Variants in COL4A4 observed in about 807,000 individuals in gnomAD.
The protein encoded by COL4A4 is collagen alpha-4(IV) chain.
Under a neutral mutation model 192.9 loss-of-function variants are expected in COL4A4, and 105 were observed. The ratio of observed to expected loss-of-function variants is 0.54; its 90% confidence interval spans 0.46 to 0.64. COL4A4 has a LOEUF of 0.64. COL4A4 is among the 30% of genes least tolerant of loss of function. The pLI is 0.00. For missense variants in COL4A4, 1,967 were observed against 2,169.3 expected, an observed-to-expected ratio of 0.91 and a Z score of 1.85; for synonymous variants, 762 against 769.9, an observed-to-expected ratio of 0.99 and a Z score of 0.17.
In COL4A4 at chr2:227,046,763, A is replaced by G. The variant is rs540882111; in HGVS notation, c.3289+712T>C. 2.0e-5 allele frequency among the ~76,000 whole-genome samples: 3 copies of G among 152,108 alleles called. No homozygotes were observed. The South Asian group carries it at 6.2e-4, about 32-fold the overall frequency. On this transcript the variant is annotated intron_variant, in intron 35 of 47. Transcript: ENST00000396625. Reference sequence around the variant, plus strand: ...ACTCAAATGGTTTCCCTTTCCCTGTAAAGCATGGAGCTGTGCATAACACTG... The same window carrying G: ...ACTCAAATGGTTTCCCTTTCCCTGTGAAGCATGGAGCTGTGCATAACACTG...
intron 34 of COL4A4, among the ~76,000 whole-genome samples, 161 bp downstream of exon 34, chr2:227,049,907 A>T (rs1198857703): frequency 6.6e-6 from 1 of 152,242 alleles, no homozygotes; most frequent in African/African-American, 2.4e-5. Context: ...ACAACTGTAG[A>T]ATATTTGGAT....
At chr2:226,993,477 A>G in the COL4A4 span, among the ~76,000 whole-genome samples, 3 of 152,270 alleles carry the variant, frequency 2.0e-5, no homozygotes, top group East Asian at 3.8e-4. Flanking sequence ...GGATCTCATC[A>G]TATAAAACAG....
chr2:227,147,804 A>C (rs1447806436), intron 1 of COL4A4, among the ~76,000 whole-genome samples: 8 of 149,476 alleles, frequency 5.4e-5, no homozygotes, highest in Non-Finnish European at 1.0e-4. Context: ...AAATGGAAAA[A>C]TTATGTGTAT....
chr2:227,083,650 T>C (rs2150538828), intron 22 of COL4A4, among the ~76,000 whole-genome samples: 1 of 151,574 alleles, frequency 6.6e-6, no homozygotes, highest in South Asian at 2.1e-4. Context: ...GATGGGGTCT[T>C]GCTGTATTGC....
At chr2:227,109,962 TATTA>T (rs761101829) in intron 9 of COL4A4, among the ~76,000 whole-genome samples, 1 of 152,218 alleles carries the variant, frequency 6.6e-6, no homozygotes, top group African/African-American at 2.4e-5. Context: ...AAAGTATTAT[TATTA>T]ATTAACATTA....
At position 227,131,257 on chromosome 2, in the gene COL4A4, G is replaced by A. The variant is rs538216917; in HGVS notation, c.192+8904C>T. 5.9e-5 allele frequency among the ~76,000 whole-genome samples: 9 copies of A among 151,508 alleles called. No individual in the cohort carries two copies. The East Asian group carries it at 1.4e-3, about 23-fold the overall frequency. On this transcript the variant is annotated intron_variant, in intron 4 of 47. Transcript: ENST00000396625. ...TGCAGCCTCTGCCTCCCAGGTTCAAGCAATTCTCTGCCTCAGCCTCCCCAG... is the reference window on the plus strand; with the variant it reads ...TGCAGCCTCTGCCTCCCAGGTTCAAACAATTCTCTGCCTCAGCCTCCCCAG...
chr2:226,976,547 G>T, the COL4A4 span, among the ~76,000 whole-genome samples: 797 of 152,160 alleles, frequency 5.2e-3, 10 homozygotes, highest in South Asian at 0.023. Flanking sequence ...ACTCACCACC[G>T]TATACTGATG....
the COL4A4 span, among the ~76,000 whole-genome samples, chr2:226,967,847 G>T: frequency 1.3e-5 from 2 of 152,042 alleles, no homozygotes; most frequent in Admixed American, 1.3e-4. Flanking sequence ...TCAGTGCCAG[G>T]GGCCCAGGAA....
chr2:227,089,611 A>ATATATATG (rs1491267361), intron 21 of COL4A4, among the ~76,000 whole-genome samples: 2 of 119,652 alleles, frequency 1.7e-5, no homozygotes, highest in African/African-American at 8.5e-5. Flanking sequence ...ATATATATAC[A>ATATATATG]TACATATATA....
intron 12 of COL4A4, among the ~76,000 whole-genome samples, chr2:227,104,341 T>C (rs1476003183): frequency 6.9e-6 from 1 of 144,100 alleles, no homozygotes; most frequent in Non-Finnish European, 1.5e-5. Flanking sequence ...GAGGCCGAGG[T>C]GGGTGGATCA....
At chr2:227,019,816 T>C (rs894727259) in intron 44 of COL4A4, among the ~76,000 whole-genome samples, 48 of 152,194 alleles carry the variant, frequency 3.2e-4, no homozygotes, top group African/African-American at 1.1e-3. Flanking sequence ...TACAGGCATC[T>C]GCCACCACGC....
At chr2:227,019,150 C>T (rs1291081517) in intron 44 of COL4A4, among the ~76,000 whole-genome samples, 1 of 152,186 alleles carries the variant, frequency 6.6e-6, no homozygotes, top group African/African-American at 2.4e-5. Context: ...TGTTAACATT[C>T]AGGCTCTGCC....
chr2:227,028,478 T>G, intron 41 of COL4A4, among the ~76,000 whole-genome samples: 1 of 152,076 alleles, frequency 6.6e-6, no homozygotes, highest in East Asian at 1.9e-4. Flanking sequence ...TTTTTAGAGA[T>G]AAGACCCAGT....
At chr2:226,996,722 T>A in the COL4A4 span, 5 of 152,076 alleles carry the variant, frequency 3.3e-5, no homozygotes, top group Non-Finnish European at 5.9e-5. Flanking sequence ...GGGAGTGGAG[T>A]ACATGGGATT....
chr2:226,969,925 G>T, the COL4A4 span, among the ~76,000 whole-genome samples: 1 of 151,942 alleles, frequency 6.6e-6, no homozygotes, highest in African/African-American at 2.4e-5. Flanking sequence ...GAACTCAGAA[G>T]GAGGGTCTGG....
intron 4 of COL4A4, among the ~76,000 whole-genome samples, chr2:227,121,832 C>T (rs2061815385): frequency 6.6e-6 from 1 of 152,028 alleles, no homozygotes; most frequent in Non-Finnish European, 1.5e-5. Context: ...TTCTGTCAAT[C>T]AAATTTAGAG....
In COL4A4 at chr2:227,059,537, C is replaced by T; in HGVS notation, c.2251G>A (p.Gly751Arg). 3 of 1,614,150 alleles carry T rather than the reference C, an allele frequency of 1.9e-6. No homozygotes were observed. The highest frequency in any genetic ancestry group is 2.5e-6 in the Non-Finnish European group (3 of 1,180,018). ...VGPPGPPGSP[G>R]VNGQKGIPGD... ...GGGATTCCTTTCTGACCATTCACTC[C>T]TGGTGAGCCGGGAGGGCCTGGGGGC... is the stretch of plus-strand genomic sequence containing the variant. Residue 751 changes from glycine to arginine, a missense_variant, in exon 28 of 48, where the codon GGA (glycine) becomes AGA (arginine). Transcript: ENST00000396625.
Position 227,012,033 on chromosome 2 carries a change from T to C in COL4A4, c.4333+148A>G, listed in dbSNP as rs1963844406. 5.6e-6 allele frequency: 4 copies of C among 717,048 alleles called. No homozygotes were observed. The South Asian group carries it at 6.0e-5, about 11-fold the overall frequency. The allele number at this position is 717,048 out of a possible 1,614,324, so 44.4% of individuals were successfully genotyped here. A position where few individuals can be genotyped will look rare whatever the true frequency, so the allele number is the denominator to read the frequency against. Reference sequence around the variant, plus strand: ...GATGCATCCCACTCTGTTCTCATTGTTTCTGTCTCTGATACCTGGTGAGTC... The same window carrying C: ...GATGCATCCCACTCTGTTCTCATTGCTTCTGTCTCTGATACCTGGTGAGTC... On this transcript the variant is annotated intron_variant, in intron 45 of 47. Coordinates refer to ENST00000396625, the MANE Select transcript of COL4A4 (RefSeq NM_000092.5).
At chr2:227,022,551 A>T (rs755120863) in intron 43 of COL4A4, 1 of 541,562 alleles carries the variant, frequency 1.8e-6, no homozygotes, top group South Asian at 1.4e-5. Context: ...TAGCATTGCA[A>T]GAGGGACTGG....
Sources: allele counts gnomAD v4.1 joint callset (sites outside exome capture counted in the v4.1 genomes callset), GRCh38; gene constraint gnomAD v4.1.1; transcripts MANE v1.5; gene names NCBI Gene and HGNC (gene_info 2026-07-23, HGNC 2026-07-21).